The following REEP1 variants were observed in gnomAD, a reference collection of about 807,000 sequenced individuals.
REEP1 encodes receptor expression-enhancing protein 1.
Under a neutral mutation model 40.3 loss-of-function variants are expected in REEP1, and 22 were observed. The observed-to-expected ratio is 0.55, with a 90% CI of 0.39 to 0.78. The LOEUF (loss-of-function observed/expected upper bound fraction) is 0.78. Ranked by LOEUF, REEP1 falls within the 30% of genes least tolerant of loss-of-function variation. The probability of loss-of-function intolerance (pLI) is 0.00; values close to 1 mark genes in which losing one functional copy is unlikely to be tolerated. For synonymous variants in REEP1, 116 were observed against 139.2 expected (o/e 0.83, Z 1.17); for missense variants, 280 against 361.1 (o/e 0.78, Z 1.82).
intron 3 of REEP1, among the ~76,000 whole-genome samples, chr2:86,256,070 C>T (rs914926232): frequency 2.0e-5 from 3 of 152,084 alleles, no homozygotes; most frequent in South Asian, 2.1e-4. Context: ...ACTCACTGGC[C>T]GGGCGCGGTG....
intron 3 of REEP1, among the ~76,000 whole-genome samples, chr2:86,255,596 C>T (rs866217393): frequency 3.3e-5 from 5 of 152,156 alleles, no homozygotes; most frequent in South Asian, 2.1e-4. Flanking sequence ...AGGGAGGCAA[C>T]GGTGAGCAAA....
intron 3 of REEP1, among the ~76,000 whole-genome samples, chr2:86,257,050 G>A (rs1380079026): frequency 2.0e-5 from 3 of 152,126 alleles, no homozygotes; most frequent in Non-Finnish European, 2.9e-5. Flanking sequence ...TATTTCCTCA[G>A]CAATTAGTGG....
intron 8 of REEP1, 148 bp from the exon 9 acceptor site, chr2:86,217,258 A>G (rs1004880123): frequency 1.4e-6 from 1 of 718,446 alleles, no homozygotes; most frequent in Admixed American, 2.0e-5. Context: ...AATCTCCGCA[A>G]CAGGAAGCAA....
intron 1 of REEP1, among the ~76,000 whole-genome samples, chr2:86,284,744 C>T (rs560372937): frequency 3.3e-5 from 5 of 152,092 alleles, no homozygotes; most frequent in Admixed American, 6.6e-5. Context: ...ATGGGATCCC[C>T]GTGAACCCGT....
At chr2:86,238,238 C>T (rs994014661) in intron 5 of REEP1, among the ~76,000 whole-genome samples, 24 of 152,220 alleles carry the variant, frequency 1.6e-4, no homozygotes, top group African/African-American at 5.5e-4. Flanking sequence ...ACATTGTGTC[C>T]TAATTTAATT....
chr2:86,243,251 A>G (rs1325707040), intron 5 of REEP1, among the ~76,000 whole-genome samples: 3 of 152,150 alleles, frequency 2.0e-5, no homozygotes, highest in Non-Finnish European at 4.4e-5. Context: ...CAGAGAGAAG[A>G]GGAGAACGAG....
At chr2:86,312,158 G>T (rs1400413321) in intron 1 of REEP1, among the ~76,000 whole-genome samples, 3 of 152,154 alleles carry the variant, frequency 2.0e-5, no homozygotes, top group Non-Finnish European at 2.9e-5. Context: ...TGAAAGCAAA[G>T]TTCTGTATTT....
At chr2:86,307,799 C>T (rs577950269) in intron 1 of REEP1, among the ~76,000 whole-genome samples, 2 of 151,632 alleles carry the variant, frequency 1.3e-5, no homozygotes, top group East Asian at 1.9e-4. Context: ...CTTTCTATTA[C>T]GTTACCAAGA....
chr2:86,258,668 C>T (rs1461476099), intron 3 of REEP1, among the ~76,000 whole-genome samples: 1 of 152,220 alleles, frequency 6.6e-6, no homozygotes, highest in Non-Finnish European at 1.5e-5. Flanking sequence ...CTTGGCTCTA[C>T]CAACACAATC....
intron 2 of REEP1, among the ~76,000 whole-genome samples, chr2:86,274,713 G>A (rs1346021132): frequency 6.6e-6 from 1 of 152,178 alleles, no homozygotes; most frequent in Non-Finnish European, 1.5e-5. Flanking sequence ...GGGAGCTATG[G>A]CCAATTTGAG....
intron 4 of REEP1, 71 bp downstream of exon 4, chr2:86,254,623 T>G: frequency 6.6e-7 from 1 of 1,517,100 alleles, no homozygotes; most frequent in Non-Finnish European, 9.1e-7. Context: ...TGCAATAAGA[T>G]CATCCCTTTT....
intron 1 of REEP1, among the ~76,000 whole-genome samples, chr2:86,297,963 C>T (rs527868000): frequency 6.6e-6 from 1 of 152,166 alleles, no homozygotes; most frequent in African/African-American, 2.4e-5. Context: ...CATATAGGGT[C>T]GCATGCCCCA....
intron 3 of REEP1, among the ~76,000 whole-genome samples, chr2:86,260,699 C>T (rs762937690): frequency 2.6e-5 from 4 of 152,144 alleles, no homozygotes; most frequent in Non-Finnish European, 5.9e-5. Context: ...AGACCTCAGT[C>T]CTACAATCAT....
At chr2:86,271,932 C>T (rs750720450) in intron 2 of REEP1, among the ~76,000 whole-genome samples, 3 of 152,074 alleles carry the variant, frequency 2.0e-5, no homozygotes, top group Non-Finnish European at 4.4e-5. Context: ...TTTAAAAATC[C>T]CTCTCCTTGG....
intron 2 of REEP1, among the ~76,000 whole-genome samples, chr2:86,278,054 T>C (rs1355294843): frequency 6.6e-6 from 1 of 152,198 alleles, no homozygotes; most frequent in Non-Finnish European, 1.5e-5. Flanking sequence ...TTTGAACACC[T>C]TACTGGTTCC....
chr2:86,216,853 A>C lies in REEP1; in HGVS notation c.*186T>G. On this transcript the variant is annotated 3_prime_UTR_variant, in exon 9 of 9. Coordinates refer to ENST00000538924, the MANE Select transcript of REEP1 (RefSeq NM_001371279.1). ...CTACCTTTCCCTTTAGCCTCTCCCC[A>C]GCAAAATAAAGAAAAGGGGGAAAAA... 7.3e-6 allele frequency: 4 copies of C among 546,804 alleles called. No homozygotes were observed. The highest frequency in any genetic ancestry group is 6.6e-6 in the Non-Finnish European group (2 of 304,826). The allele number at this position is 546,804 out of a possible 1,614,324, so 33.9% of individuals were successfully genotyped here. A position where few individuals can be genotyped will look rare whatever the true frequency, so the allele number is the denominator to read the frequency against.
chr2:86,271,133 A>G (rs966360262), intron 2 of REEP1, among the ~76,000 whole-genome samples: 5 of 152,096 alleles, frequency 3.3e-5, no homozygotes, highest in African/African-American at 1.2e-4. Flanking sequence ...CAAAGGTTAC[A>G]GTGAGCTGAG....
intron 5 of REEP1, among the ~76,000 whole-genome samples, chr2:86,236,686 A>C (rs1445400255): frequency 2.0e-5 from 3 of 152,118 alleles, no homozygotes; most frequent in Non-Finnish European, 4.4e-5. Flanking sequence ...TCACCAGAAT[A>C]ATAATGACAA....
intron 1 of REEP1, among the ~76,000 whole-genome samples, chr2:86,291,471 T>C (rs906659516): frequency 6.6e-6 from 1 of 152,204 alleles, no homozygotes; most frequent in Non-Finnish European, 1.5e-5. Context: ...CTCTGTAGTC[T>C]TTCCTTTCCC....
Sources: gnomAD v4.1 joint callset for allele counts (sites outside exome capture counted in the v4.1 genomes callset) on GRCh38, gnomAD v4.1.1 for gene constraint, MANE v1.5 for transcripts, NCBI Gene and HGNC (gene_info 2026-07-23, HGNC 2026-07-21) for gene names.